Variants in EPS15 observed in about 807,000 individuals in gnomAD.
EPS15 encodes epidermal growth factor receptor pathway substrate 15.
Under a neutral mutation model 113.8 loss-of-function variants are expected in EPS15, and 72 were observed. That is an observed-to-expected ratio of 0.63 (90% CI 0.52 to 0.77). The LOEUF is 0.77. Ranked by LOEUF, EPS15 falls within the 30% of genes least tolerant of loss-of-function variation. The probability of loss-of-function intolerance (pLI) is 0.00; values close to 1 mark genes in which losing one functional copy is unlikely to be tolerated. For synonymous variants in EPS15, 344 were observed against 363.4 expected (o/e 0.95, Z 0.61); for missense variants, 1,048 against 1,045.8 (o/e 1.00, Z -0.03).
intron 14 of EPS15, among the ~76,000 whole-genome samples, chr1:51,408,707 G>A (rs1343019710): frequency 6.6e-6 from 1 of 151,910 alleles, no homozygotes; most frequent in Middle Eastern, 3.2e-3. Context: ...TCAGACTTCA[G>A]GCTCAACTTT....
Position 51,421,874 on chromosome 1 carries a change from A to G in EPS15, c.1041-16T>C. The G allele has an allele frequency of 6.2e-7, 1 of 1,611,360 alleles. No homozygotes were observed. Among genetic ancestry groups the G allele is most frequent in the Non-Finnish European group, 8.5e-7 (1 of 1,178,314 alleles). On this transcript the variant is annotated splice_polypyrimidine_tract_variant and intron_variant, in intron 12 of 24. Coordinates refer to ENST00000371733, the MANE Select transcript of EPS15 (RefSeq NM_001981.3). ...ATTCTTTTCCCTAGAAGACCAGCAA[A>G]CAATGCAAGAATATTTTAGAACATC... is the stretch of plus-strand genomic sequence containing the variant.
At position 51,394,426 on chromosome 1, in the gene EPS15, C is replaced by A; in HGVS notation, c.2074G>T (p.Asp692Tyr). 6.2e-7 allele frequency: 1 copy of A among 1,603,038 alleles called. No homozygotes were observed. The highest frequency in any genetic ancestry group is 8.5e-7 in the Non-Finnish European group (1 of 1,172,630). Residue 692 changes from aspartate (D) to tyrosine (Y), a missense_variant, in exon 21 of 25, where the codon GAT becomes TAT. By Grantham distance (160) the Asp-to-Tyr change is radical. Coordinates refer to ENST00000371733, the MANE Select transcript of EPS15 (RefSeq NM_001981.3). Reference protein sequence around the residue: ...ITSVETLKHNDPFAPGGTVVA... With the variant: ...ITSVETLKHNYPFAPGGTVVA... ...ACTGTTCCACCAGGAGCAAAAGGAT[C>A]ATTGTGCTTCAACGTTTCTACCTAA... is the stretch of plus-strand genomic sequence containing the variant.
chr1:51,461,747 TA>T (rs1254926809), intron 7 of EPS15: 1 of 152,114 alleles, frequency 6.6e-6, no homozygotes, highest in African/African-American at 2.4e-5. Flanking sequence ...GAAACAATAC[TA>T]AAAAATGGCA....
rs78324799 is a variant in EPS15, at chr1:51,359,078, C to G, written c.2544+2093G>C. Among the ~76,000 whole-genome samples, 9 of 152,226 alleles carry G rather than the reference C, an allele frequency of 5.9e-5. No homozygotes were observed. The East Asian group carries it at 1.2e-3, about 20-fold the overall frequency. On this transcript the variant is annotated intron_variant, in intron 24 of 24. Transcript: ENST00000371733. ...CAAACTACCAGAGGGTTATTTTACA[C>G]TAAGAGAATTATAACCTTCTAAAAA...
At chr1:51,378,963 T>C (rs1453019740) in intron 21 of EPS15, among the ~76,000 whole-genome samples, 2 of 152,180 alleles carry the variant, frequency 1.3e-5, no homozygotes, top group Non-Finnish European at 2.9e-5. Flanking sequence ...AGGGAAGACA[T>C]GGATATATAA....
At chr1:51,396,353 T>A (rs973509024) in intron 20 of EPS15, among the ~76,000 whole-genome samples, 4 of 151,872 alleles carry the variant, frequency 2.6e-5, no homozygotes, top group Non-Finnish European at 5.9e-5. Context: ...GGATGTTGGG[T>A]TTTTTTTCAG....
intron 1 of EPS15, among the ~76,000 whole-genome samples, chr1:51,507,755 T>C (rs1644522709): frequency 6.6e-6 from 1 of 151,822 alleles, no homozygotes; most frequent in Non-Finnish European, 1.5e-5. Context: ...AGATAATAAC[T>C]ACATTTGGAA....
At chr1:51,444,257 T>C (rs1652834711) in intron 11 of EPS15, among the ~76,000 whole-genome samples, 2 of 152,216 alleles carry the variant, frequency 1.3e-5, no homozygotes, top group South Asian at 4.1e-4. Flanking sequence ...GAAGGGTTTC[T>C]ACATGAGGAG....
chr1:51,425,848 T>A (rs1651153340), intron 12 of EPS15, among the ~76,000 whole-genome samples: 1 of 152,190 alleles, frequency 6.6e-6, no homozygotes, highest in South Asian at 2.1e-4. Context: ...AATATTAACA[T>A]TACTTAGAAT....
intron 2 of EPS15, among the ~76,000 whole-genome samples, chr1:51,473,342 T>C (rs1557503526): frequency 1.3e-5 from 2 of 152,222 alleles, no homozygotes; most frequent in Non-Finnish European, 2.9e-5. Flanking sequence ...TAGTTGCACA[T>C]GTTATGTGCC....
In EPS15 at chr1:51,354,401, T is replaced by G. The variant is rs527866383; in HGVS notation, c.*2299A>C. The G allele has an allele frequency of 5.5e-6, 1 of 180,252 alleles. No homozygotes were observed. The highest frequency in any genetic ancestry group is 2.4e-5 in the African/African-American group (1 of 42,376). The allele number at this position is 180,252 out of a possible 1,614,324, so 11.2% of individuals were successfully genotyped here. ...AATCAGAGAACCATGCAAAACTCAA[T>G]TGCAAATTGGATATATGGATGGGAT... On this transcript the variant is annotated 3_prime_UTR_variant, in exon 25 of 25. Transcript: ENST00000371733.
chr1:51,499,378 C>A (rs1328134133), intron 1 of EPS15, among the ~76,000 whole-genome samples: 1 of 151,952 alleles, frequency 6.6e-6, no homozygotes, highest in Non-Finnish European at 1.5e-5. Context: ...TAGCTCTTCA[C>A]GGACACTTGG....
At chr1:51,385,327 A>G (rs1326384463) in intron 21 of EPS15, among the ~76,000 whole-genome samples, 1 of 152,172 alleles carries the variant, frequency 6.6e-6, no homozygotes, top group Non-Finnish European at 1.5e-5. Context: ...GGCACTACAT[A>G]CTAATCATTA....
chr1:51,369,542 A>G (rs982982899), intron 21 of EPS15, among the ~76,000 whole-genome samples: 2 of 152,338 alleles, frequency 1.3e-5, no homozygotes, highest in African/African-American at 4.8e-5. Context: ...AAAAATATAT[A>G]AAAGTATAAT....
intron 1 of EPS15, among the ~76,000 whole-genome samples, chr1:51,497,025 G>A (rs1325759572): frequency 6.6e-6 from 1 of 152,138 alleles, no homozygotes; most frequent in Non-Finnish European, 1.5e-5. Context: ...AGAATGAAAT[G>A]AGTAACTGAA....
intron 12 of EPS15, among the ~76,000 whole-genome samples, chr1:51,434,403 A>G (rs72696117): frequency 0.021 from 3,199 of 152,344 alleles, 51 homozygotes; most frequent in Non-Finnish European, 0.031. Flanking sequence ...ACAACACAGA[A>G]GAACCCTGAG....
intron 1 of EPS15, among the ~76,000 whole-genome samples, chr1:51,515,814 T>TACAG (rs911014218): frequency 5.9e-5 from 9 of 152,254 alleles, no homozygotes; most frequent in African/African-American, 2.2e-4. Flanking sequence ...TTTGAAGTCC[T>TACAG]ACAGACCTTG....
chr1:51,473,719 T>C (rs779391406), intron 2 of EPS15, among the ~76,000 whole-genome samples: 1 of 152,186 alleles, frequency 6.6e-6, no homozygotes, highest in Non-Finnish European at 1.5e-5. Context: ...AGGATAATAG[T>C]ATATTTGTGA....
rs1364808390 is a variant in EPS15 at position 51,481,299 on chromosome 1, G to T, written c.49C>A (p.Pro17Thr). Reference sequence around the variant, plus strand: ...TGTCTATAGTATTTTTCATATACAGGATTCCCACTTGATAACTGAAATAAA... The same window carrying T: ...TGTCTATAGTATTTTTCATATACAGTATTCCCACTTGATAACTGAAATAAA... Reference protein sequence around the residue: ...LSLTQLSSGNPVYEKYYRQVD... With the variant: ...LSLTQLSSGNTVYEKYYRQVD... Residue 17 changes from proline to threonine, a missense_variant, in exon 2 of 25, where the codon CCT becomes ACT. By Grantham distance (38) the Pro-to-Thr change is conservative. Coordinates refer to ENST00000371733, the MANE Select transcript of EPS15 (RefSeq NM_001981.3). The T allele has an allele frequency of 2.2e-6, 3 of 1,357,916 alleles. No homozygotes were observed. The highest frequency in any genetic ancestry group is 1.2e-5 in the South Asian group (1 of 83,762). 84.1% of individuals were successfully genotyped at this position (1,357,916 alleles called of 1,614,324 possible). A position where few individuals can be genotyped will look rare whatever the true frequency, so the allele number is the denominator to read the frequency against.
Sources: gnomAD v4.1 joint callset for allele counts (sites outside exome capture counted in the v4.1 genomes callset) on GRCh38, gnomAD v4.1.1 for gene constraint, MANE v1.5 for transcripts, NCBI Gene and HGNC (gene_info 2026-07-23, HGNC 2026-07-21) for gene names.